AFG1L: variants seen among roughly 807,000 people sequenced by gnomAD.
AFG1L encodes AFG1-like ATPase.
In AFG1L, 53 loss-of-function variants were observed where a neutral mutation model predicts 62.2. That is an observed-to-expected ratio of 0.85 (90% CI 0.68 to 1.07). AFG1L has a LOEUF of 1.07. Among genes scored for constraint, AFG1L ranks in the 50% least tolerant of loss-of-function variants. The pLI is 0.00. For synonymous variants in AFG1L, 228 were observed against 210.3 expected, an observed-to-expected ratio of 1.08 and a Z score of -0.73; for missense variants, 555 against 590.5, an observed-to-expected ratio of 0.94 and a Z score of 0.62.
chr6:108,394,092 TTC>T (rs1562129638), intron 6 of AFG1L, among the ~76,000 whole-genome samples: 1 of 148,312 alleles, frequency 6.7e-6, no homozygotes, highest in African/African-American at 2.5e-5. Flanking sequence ...TCTTTTCTCT[TTC>T]TCTCTTTTCT....
intron 6 of AFG1L, among the ~76,000 whole-genome samples, chr6:108,395,400 TTTC>T (rs1451978868): frequency 3.2e-5 from 4 of 123,934 alleles, no homozygotes; most frequent in Admixed American, 1.6e-4. Flanking sequence ...TTTCTTTTCT[TTTC>T]TTTTTTTTTT....
chr6:108,446,532 T>A (rs1424616216), intron 7 of AFG1L, among the ~76,000 whole-genome samples: 1 of 142,966 alleles, frequency 7.0e-6, no homozygotes, highest in Non-Finnish European at 1.5e-5. Flanking sequence ...TGAGACAAGG[T>A]CTTGCTCTGT....
At chr6:108,367,515 G>A (rs1177503061) in intron 6 of AFG1L, among the ~76,000 whole-genome samples, 1 of 152,148 alleles carries the variant, frequency 6.6e-6, no homozygotes, top group Non-Finnish European at 1.5e-5. Context: ...AATGGAGCTA[G>A]AGTATGAAAA....
chr6:108,359,053 A>G (rs1240217538), intron 5 of AFG1L: 3 of 152,220 alleles, frequency 2.0e-5, no homozygotes, highest in Non-Finnish European at 4.4e-5. Flanking sequence ...GTGGACATAA[A>G]TGAATATATC....
chr6:108,487,667 C>T (rs1346632824), intron 10 of AFG1L, among the ~76,000 whole-genome samples: 1 of 152,136 alleles, frequency 6.6e-6, no homozygotes, highest in Non-Finnish European at 1.5e-5. Context: ...GTTGGAAAGG[C>T]TCCAACAAGA....
At chr6:108,329,556 C>T (rs979263146) in intron 2 of AFG1L, among the ~76,000 whole-genome samples, 1 of 152,112 alleles carries the variant, frequency 6.6e-6, no homozygotes, top group South Asian at 2.1e-4. Context: ...GCCTTGGCCT[C>T]CCAAAGTGCT....
chr6:108,411,614 C>A (rs1562143244), intron 7 of AFG1L, among the ~76,000 whole-genome samples: 1 of 152,226 alleles, frequency 6.6e-6, no homozygotes, highest in South Asian at 2.1e-4. Flanking sequence ...TGCTGTTCTG[C>A]AGCCTCTGCT....
intron 8 of AFG1L, among the ~76,000 whole-genome samples, chr6:108,463,846 G>A (rs1180782387): frequency 6.6e-6 from 1 of 152,144 alleles, no homozygotes; most frequent in Non-Finnish European, 1.5e-5. Flanking sequence ...ATGCAACCAA[G>A]TCTGTTTTAT....
intron 10 of AFG1L, among the ~76,000 whole-genome samples, chr6:108,490,051 A>G (rs1773715270): frequency 6.6e-6 from 1 of 152,188 alleles, no homozygotes; most frequent in Non-Finnish European, 1.5e-5. Flanking sequence ...TTTACTGAAG[A>G]CTTTTAAAAC....
At position 108,323,817 on chromosome 6, in the gene AFG1L, G is replaced by T. The variant is rs1342523753; in HGVS notation, c.140-8G>T. On this transcript the variant is annotated splice_region_variant and splice_polypyrimidine_tract_variant and intron_variant, in intron 1 of 12. Transcript: ENST00000368977. ...AGAAAGTCTAAAATTTTATGTTTTT[G>T]TTTATAGCCTATACGGTTCAGACAT... 6.2e-7 allele frequency: 1 copy of T among 1,602,378 alleles called. No individual in the cohort carries two copies. The highest frequency in any genetic ancestry group is 1.3e-5 in the African/African-American group (1 of 74,584).
chr6:108,505,181 G>A (rs891616233), intron 10 of AFG1L, among the ~76,000 whole-genome samples: 12 of 147,728 alleles, frequency 8.1e-5, no homozygotes, highest in African/African-American at 2.0e-4. Flanking sequence ...TGCAACCTCC[G>A]CGCCCAGGTT....
At chr6:108,473,955 T>A (rs1365482239) in intron 8 of AFG1L, among the ~76,000 whole-genome samples, 1 of 152,180 alleles carries the variant, frequency 6.6e-6, no homozygotes, top group East Asian at 1.9e-4. Context: ...GCCATGTTGT[T>A]TGCTGCACCG....
intron 7 of AFG1L, among the ~76,000 whole-genome samples, chr6:108,404,747 A>G (rs1363065889): frequency 6.6e-6 from 1 of 151,972 alleles, no homozygotes; most frequent in African/African-American, 2.4e-5. Flanking sequence ...ATTTATTTTG[A>G]GACAGAGTCT....
intron 10 of AFG1L, among the ~76,000 whole-genome samples, chr6:108,505,079 ATT>A (rs34326858): frequency 2.8e-4 from 40 of 142,928 alleles, no homozygotes; most frequent in African/African-American, 1.0e-3. Flanking sequence ...CTGAGCTTGG[ATT>A]TTTTTTTTTT....
At chr6:108,342,475 C>T (rs548059040) in intron 2 of AFG1L, among the ~76,000 whole-genome samples, 18 of 152,224 alleles carry the variant, frequency 1.2e-4, no homozygotes, top group African/African-American at 4.1e-4. Flanking sequence ...GATGTGGGTT[C>T]CTAAGGGACA....
At chr6:108,331,338 G>A (rs1452228098) in intron 2 of AFG1L, among the ~76,000 whole-genome samples, 1 of 152,074 alleles carries the variant, frequency 6.6e-6, no homozygotes, top group Non-Finnish European at 1.5e-5. Context: ...CATTATGGTG[G>A]ACTTATTTTT....
chr6:108,417,235 A>AATAC (rs1554195843), intron 7 of AFG1L, among the ~76,000 whole-genome samples: 5 of 133,556 alleles, frequency 3.7e-5, no homozygotes, highest in Non-Finnish European at 4.7e-5. Flanking sequence ...CATTGTCTTA[A>AATAC]ACACACACAC....
chr6:108,363,865 C>T (rs968379317), intron 5 of AFG1L, among the ~76,000 whole-genome samples: 1 of 152,152 alleles, frequency 6.6e-6, no homozygotes, highest in African/African-American at 2.4e-5. Flanking sequence ...TTGTGCTAAT[C>T]CTAATTACTG....
chr6:108,330,787 C>G (rs1435839269), intron 2 of AFG1L, among the ~76,000 whole-genome samples: 1 of 152,138 alleles, frequency 6.6e-6, no homozygotes. Flanking sequence ...CTTTAAATAA[C>G]AAATACTATT....
Sources: allele counts gnomAD v4.1 joint callset (sites outside exome capture counted in the v4.1 genomes callset), GRCh38; gene constraint gnomAD v4.1.1; transcripts MANE v1.5; gene names NCBI Gene and HGNC (gene_info 2026-07-23, HGNC 2026-07-21).